XPOT: variants seen among roughly 807,000 people sequenced by gnomAD.
XPOT encodes the protein exportin-T.
A neutral mutation model predicts 128.2 loss-of-function variants in XPOT; 34 were observed. The observed-to-expected ratio is 0.27, with a 90% CI of 0.20 to 0.35. The LOEUF is 0.35. XPOT is among the 10% of genes least tolerant of loss of function. The pLI is 1.00. For missense variants in XPOT, 838 were observed against 1,125.3 expected, an observed-to-expected ratio of 0.74 and a Z score of 3.65; for synonymous variants, 348 against 394.3, an observed-to-expected ratio of 0.88 and a Z score of 1.39.
At chr12:64,408,045 A>T (rs2039999527) in intron 1 of XPOT, among the ~76,000 whole-genome samples, 1 of 151,776 alleles carries the variant, frequency 6.6e-6, no homozygotes, top group African/African-American at 2.4e-5. Context: ...TTTCTCCCCT[A>T]CCCCCAATCC....
chr12:64,424,945 T>C lies in XPOT; in HGVS notation c.1308-93T>C, dbSNP rs1592332168. 13 of 1,489,882 alleles carry C rather than the reference T, an allele frequency of 8.7e-6. No homozygotes were observed. The East Asian group carries it at 3.0e-4, about 34-fold the overall frequency. The allele number at this position is 1,489,882 out of a possible 1,614,324, so 92.3% of individuals were successfully genotyped here. A position where few individuals can be genotyped will look rare whatever the true frequency, so the allele number is the denominator to read the frequency against. ...AACAGTTGCTATGACTTTTTAATAA[T>C]TAAAAAGGCTTTTGTTGGTGTCTTA... is the stretch of plus-strand genomic sequence containing the variant. On this transcript the variant is annotated intron_variant, in intron 12 of 24. Coordinates refer to ENST00000332707, the MANE Select transcript of XPOT (RefSeq NM_007235.6).
rs2040131393 is a variant in XPOT, at chr12:64,420,856, AGTG to A, written c.843+337_843+339del. Among the ~76,000 whole-genome samples the A allele has an allele frequency of 2.0e-5, 3 of 152,134 alleles. No homozygotes were observed. In the South Asian group the frequency reaches 6.2e-4, roughly 32 times the overall value. On this transcript the variant is annotated intron_variant, in intron 8 of 24. Coordinates refer to ENST00000332707, the MANE Select transcript of XPOT (RefSeq NM_007235.6). Reference sequence around the variant, plus strand: ...CACTCTGTTGCCCAGGCTGGAGTGCAGTGGCACAGTCTCGGCTCACTGCAACCT... The same window carrying A: ...CACTCTGTTGCCCAGGCTGGAGTGCAGCACAGTCTCGGCTCACTGCAACCT...
At position 64,425,171 on chromosome 12, in the gene XPOT, A is replaced by G. The variant is rs2060843229; in HGVS notation, c.1441A>G (p.Met481Val). The change falls in exon 13 of 25, where the codon ATG (methionine) becomes GTG (valine). Residue 481 changes from methionine to valine, a missense_variant. Physicochemically the swap from Met to Val is conservative, Grantham distance 21. Coordinates refer to ENST00000332707, the MANE Select transcript of XPOT (RefSeq NM_007235.6). ...DVSKASALQD[M>V]MRTLVTSGVS... Reference sequence around the variant, plus strand: ...TTCAAAAGCTAGTGCTTTGCAGGATATGATGCGAACTGTAAGTATACTGGA... The same window carrying G: ...TTCAAAAGCTAGTGCTTTGCAGGATGTGATGCGAACTGTAAGTATACTGGA... 1 of 1,614,106 alleles carries G rather than the reference A, an allele frequency of 6.2e-7. No homozygotes were observed. Among genetic ancestry groups the G allele is most frequent in the African/African-American group, 1.3e-5 (1 of 75,072 alleles).
intron 1 of XPOT, among the ~76,000 whole-genome samples, chr12:64,407,322 T>TA (rs547737616): frequency 9.9e-4 from 151 of 151,778 alleles, no homozygotes; most frequent in Non-Finnish European, 1.9e-3. Flanking sequence ...CCATCTCTAC[T>TA]AAAAAATACA....
rs970712517 is a variant in XPOT at position 64,449,900 on chromosome 12, A to AT, written c.*1771dup. The stretch of plus-strand genomic sequence containing the variant: ...TATATAGCACAGGCTCTAGAATCAG[A>AT]TTAAGTAGGTTCAAATACCAGTTCT... On this transcript the variant is annotated 3_prime_UTR_variant, in exon 25 of 25. Transcript: ENST00000332707. 2 of 152,210 alleles carry AT rather than the reference A, an allele frequency of 1.3e-5. No individual in the cohort carries two copies. The highest frequency in any genetic ancestry group is 4.8e-5 in the African/African-American group (2 of 41,462). The allele number at this position is 152,210 out of a possible 1,614,324, so 9.4% of individuals were successfully genotyped here. A position where few individuals can be genotyped will look rare whatever the true frequency, so the allele number is the denominator to read the frequency against.
Position 64,421,399 on chromosome 12 carries a change from A to G in XPOT, c.1008A>G (p.Leu336=), listed in dbSNP as rs751802236. 118 of 1,613,978 alleles carry G rather than the reference A, an allele frequency of 7.3e-5. No homozygotes were observed. The South Asian group carries it at 1.2e-3, about 17-fold the overall frequency. The change falls in exon 9 of 25, where the codon CTA becomes CTG. Residue 336 remains leucine, a synonymous_variant. Transcript: ENST00000332707. ...ETKVALMLQL[L]IHEDDDISSN... is the part of the protein sequence containing the mutation. ...AAGTGGCACTGATGTTGCAGCTACT[A>G]ATTCATGAGGATGATGATATTTCTT...
At chr12:64,426,653 G>A (rs1424812335) in intron 15 of XPOT, among the ~76,000 whole-genome samples, 2 of 152,116 alleles carry the variant, frequency 1.3e-5, no homozygotes, top group Non-Finnish European at 2.9e-5. Flanking sequence ...TGATATACCC[G>A]TGTAACAAAC....
At chr12:64,433,664 T>C (rs61931555) in intron 19 of XPOT, 61 bp downstream of exon 19, 141,143 of 1,441,008 alleles carry the variant, frequency 0.098, 8,023 homozygotes, top group Middle Eastern at 0.22. Context: ...TGTACATCTA[T>C]ATGACCAAGA....
chr12:64,408,865 G>T (rs1366990554), intron 1 of XPOT, among the ~76,000 whole-genome samples: 1 of 152,050 alleles, frequency 6.6e-6, no homozygotes, highest in African/African-American at 2.4e-5. Flanking sequence ...GTAGAAACAG[G>T]GTTTCACCGT....
rs2040396563 is a variant in XPOT, at chr12:64,449,924, C to CTGCCA, written c.*1794_*1798dup. On this transcript the variant is annotated 3_prime_UTR_variant, in exon 25 of 25. Coordinates refer to ENST00000332707, the MANE Select transcript of XPOT (RefSeq NM_007235.6). Reference sequence around the variant, plus strand: ...GATTAAGTAGGTTCAAATACCAGTTCTGCCAGTAACTGGTTTTAGAACCTT... The same window carrying CTGCCA: ...GATTAAGTAGGTTCAAATACCAGTTCTGCCATGCCAGTAACTGGTTTTAGAACCTT... 1 of 152,206 alleles carries CTGCCA rather than the reference C, an allele frequency of 6.6e-6. No homozygotes were observed. Among genetic ancestry groups the CTGCCA allele is most frequent in the Non-Finnish European group, 1.5e-5 (1 of 68,036 alleles). The allele number at this position is 152,206 out of a possible 1,614,324, so 9.4% of individuals were successfully genotyped here. A position where few individuals can be genotyped will look rare whatever the true frequency, so the allele number is the denominator to read the frequency against.
chr12:64,432,596 C>T (rs1302677189), intron 18 of XPOT, among the ~76,000 whole-genome samples: 1 of 152,128 alleles, frequency 6.6e-6, no homozygotes, highest in Admixed American at 6.6e-5. Flanking sequence ...TACATTTACT[C>T]ATTTGATCTT....
chr12:64,431,832 A>G lies in XPOT; in HGVS notation c.2262+9A>G, dbSNP rs778143571. On this transcript the variant is annotated intron_variant, in intron 18 of 24. Coordinates refer to ENST00000332707, the MANE Select transcript of XPOT (RefSeq NM_007235.6). ...TTACGGCCAAATTCAAGGTACCGCA[A>G]ACTTTCAGAGCTCTGAAAATCTCTT... 8 of 1,607,210 alleles carry G rather than the reference A, an allele frequency of 5.0e-6. No homozygotes were observed. The African/African-American group carries it at 6.7e-5, about 13-fold the overall frequency.
At chr12:64,417,784 A>G (rs1343100991) in intron 4 of XPOT, among the ~76,000 whole-genome samples, 1 of 152,228 alleles carries the variant, frequency 6.6e-6, no homozygotes, top group South Asian at 2.1e-4. Flanking sequence ...ACCACAAAAC[A>G]TTTTCATTCG....
chr12:64,424,527 T>C lies in XPOT; in HGVS notation c.1183-72T>C, dbSNP rs1323209846. 6 of 1,567,082 alleles carry C rather than the reference T, an allele frequency of 3.8e-6. No homozygotes were observed. The South Asian group carries it at 4.6e-5, about 12-fold the overall frequency. On this transcript the variant is annotated intron_variant, in intron 11 of 24. Coordinates refer to ENST00000332707, the MANE Select transcript of XPOT (RefSeq NM_007235.6). ...TGCAGGTTTGTTACATAGGTATACATGTAGCCATGGTGGTTTGCTGCGCCG... is the reference window on the plus strand; with the variant it reads ...TGCAGGTTTGTTACATAGGTATACACGTAGCCATGGTGGTTTGCTGCGCCG...
intron 8 of XPOT, 129 bp from the exon 9 acceptor site, chr12:64,421,106 A>AT: frequency 1.3e-6 from 1 of 768,130 alleles, no homozygotes; most frequent in Admixed American, 2.2e-5. Flanking sequence ...CCAGCCTGGA[A>AT]TTGTTAAATA....
chr12:64,433,696 A>C, intron 19 of XPOT, 93 bp downstream of exon 19: 1 of 1,299,420 alleles, frequency 7.7e-7, no homozygotes, highest in Non-Finnish European at 1.0e-6. Context: ...TAAATACAGA[A>C]ATTTTGAAGT....
At position 64,417,650 on chromosome 12, in the gene XPOT, C is replaced by G. The variant is rs976953381; in HGVS notation, c.201-396C>G. Among the ~76,000 whole-genome samples, 3 of 152,138 alleles carry G rather than the reference C, an allele frequency of 2.0e-5. No homozygotes were observed. In the South Asian group the frequency reaches 6.2e-4, roughly 31 times the overall value. ...CTGTTTTTCTACATGACAATTCTCT[C>G]TTAGAGTTAAGTAGCTGCATGGGCA... On this transcript the variant is annotated intron_variant, in intron 4 of 24. Transcript: ENST00000332707.
Position 64,418,965 on chromosome 12 carries a change from G to A in XPOT, c.360G>A (p.Lys120=), listed in dbSNP as rs1382598844. Residue 120 remains lysine (K), a synonymous_variant, in exon 6 of 25, where the codon AAG becomes AAA. Transcript: ENST00000332707. ...TTTTTGTTACAGAGTATCTCACTAAGTGGCCCAAGTTTTTTTTTGACATTC... is the reference window on the plus strand; with the variant it reads ...TTTTTGTTACAGAGTATCTCACTAAATGGCCCAAGTTTTTTTTTGACATTC... ...ALLFVTEYLT[K]WPKFFFDILS... 7 of 1,614,048 alleles carry A rather than the reference G, an allele frequency of 4.3e-6. No homozygotes were observed. Among genetic ancestry groups the A allele is most frequent in the Non-Finnish European group, 5.9e-6 (7 of 1,179,988 alleles).
intron 22 of XPOT, 113 bp downstream of exon 22, chr12:64,435,787 G>C: frequency 2.0e-6 from 2 of 991,490 alleles, no homozygotes; most frequent in Non-Finnish European, 2.9e-6. Context: ...CTTTTTGGAT[G>C]TGGGGAAAGG....
Sources: allele counts gnomAD v4.1 joint callset (sites outside exome capture counted in the v4.1 genomes callset), GRCh38; gene constraint gnomAD v4.1.1; transcripts MANE v1.5; gene names NCBI Gene and HGNC (gene_info 2026-07-23, HGNC 2026-07-21).